Variants in ADAM22 observed in about 807,000 individuals in gnomAD.
The protein encoded by ADAM22 is disintegrin and metalloproteinase domain-containing protein 22.
Under a neutral mutation model 144.6 loss-of-function variants are expected in ADAM22, and 65 were observed. The observed-to-expected ratio is 0.45, with a 90% CI of 0.37 to 0.55. ADAM22 has a LOEUF of 0.55. Among genes scored for constraint, ADAM22 ranks in the 20% least tolerant of loss-of-function variants. The pLI, the probability that ADAM22 is intolerant of heterozygous loss-of-function variation, is 0.00. For synonymous variants in ADAM22, 391 were observed against 412.6 expected, an observed-to-expected ratio of 0.95 and a Z score of 0.63; for missense variants, 974 against 1,184.9, an observed-to-expected ratio of 0.82 and a Z score of 2.61.
intron 25 of ADAM22, among the ~76,000 whole-genome samples, chr7:88,168,995 T>G (rs1586436554): frequency 6.6e-6 from 1 of 152,266 alleles, no homozygotes; most frequent in South Asian, 2.1e-4. Context: ...TGGACTTGCC[T>G]TTGTTCCATA....
intron 3 of ADAM22, among the ~76,000 whole-genome samples, chr7:88,034,843 G>A (rs546577379): frequency 4.6e-5 from 7 of 152,216 alleles, no homozygotes; most frequent in African/African-American, 1.7e-4. Flanking sequence ...GCTCTCCCTT[G>A]CCTAAGTGCA....
intron 3 of ADAM22, among the ~76,000 whole-genome samples, chr7:88,024,158 G>A (rs1192031165): frequency 1.3e-5 from 2 of 152,132 alleles, no homozygotes; most frequent in Non-Finnish European, 2.9e-5. Context: ...AAACATGGAA[G>A]TACAGATGTC....
At chr7:87,983,354 T>C (rs1319960605) in intron 3 of ADAM22, among the ~76,000 whole-genome samples, 1 of 152,148 alleles carries the variant, frequency 6.6e-6, no homozygotes, top group African/African-American at 2.4e-5. Context: ...TAAAATTCAG[T>C]ATTTTTGTTT....
chr7:88,008,402 A>G (rs1236052309), intron 3 of ADAM22, among the ~76,000 whole-genome samples: 1 of 150,874 alleles, frequency 6.6e-6, no homozygotes, highest in Non-Finnish European at 1.5e-5. Context: ...ATTACTGGGT[A>G]TATACCCAAA....
Position 88,197,983 on chromosome 7 carries a change from G to A in ADAM22, c.*1492G>A, listed in dbSNP as rs1850856689. ...TCTTTAAAACCAAAGTTTGATAGCT[G>A]TTATAATGGCAGATCTGTCATTCCA... is the stretch of plus-strand genomic sequence containing the variant. On this transcript the variant is annotated 3_prime_UTR_variant, in exon 32 of 32. Coordinates refer to ENST00000413139, the MANE Select transcript of ADAM22 (RefSeq NM_001324418.2). The A allele has an allele frequency of 6.6e-6, 1 of 152,188 alleles. No individual in the cohort carries two copies. Among genetic ancestry groups the A allele is most frequent in the Admixed American group, 6.5e-5 (1 of 15,278 alleles). The allele number at this position is 152,188 out of a possible 1,614,324, so 9.4% of individuals were successfully genotyped here.
intron 12 of ADAM22, 141 bp downstream of exon 12, chr7:88,133,092 A>G (rs964247384): frequency 3.0e-5 from 21 of 694,842 alleles, no homozygotes; most frequent in African/African-American, 5.5e-5. Flanking sequence ...GCCTGGCACA[A>G]TGGCTTATTT....
intron 3 of ADAM22, among the ~76,000 whole-genome samples, chr7:88,023,975 A>G (rs1356973459): frequency 6.6e-6 from 1 of 152,174 alleles, no homozygotes; most frequent in Non-Finnish European, 1.5e-5. Flanking sequence ...TATTTCTCTT[A>G]ACATAATGAT....
chr7:87,993,018 C>T (rs981698870), intron 3 of ADAM22, among the ~76,000 whole-genome samples: 6 of 152,128 alleles, frequency 3.9e-5, no homozygotes, highest in African/African-American at 9.7e-5. Flanking sequence ...GTTCGCCTTT[C>T]CCCGTATCAT....
At chr7:88,119,946 G>T (rs1012894977) in intron 7 of ADAM22, among the ~76,000 whole-genome samples, 20 of 152,140 alleles carry the variant, frequency 1.3e-4, no homozygotes, top group Admixed American at 2.6e-4. Context: ...TAAAATTGCT[G>T]GGCCATAGGG....
At chr7:88,057,087 G>C (rs1181095457) in intron 3 of ADAM22, among the ~76,000 whole-genome samples, 1 of 151,980 alleles carries the variant, frequency 6.6e-6, no homozygotes, top group Non-Finnish European at 1.5e-5. Flanking sequence ...GGGTAGGGCA[G>C]GTAGGATTTG....
Position 88,002,268 on chromosome 7 carries a change from G to A in ADAM22, c.323+23856G>A, listed in dbSNP as rs570955105. 1.7e-4 allele frequency among the ~76,000 whole-genome samples: 26 copies of A among 152,240 alleles called. No homozygotes were observed. In the South Asian group the frequency reaches 2.5e-3, roughly 15 times the overall value. ...TACCTTCAAGCATCATTTCAGTAGG[G>A]AGGACTGCCCGCCTCTGTCCTAGTG... On this transcript the variant is annotated intron_variant, in intron 3 of 31. Coordinates refer to ENST00000413139, the MANE Select transcript of ADAM22 (RefSeq NM_001324418.2).
chr7:88,097,682 C>G (rs1490619774), intron 4 of ADAM22, among the ~76,000 whole-genome samples: 3 of 150,496 alleles, frequency 2.0e-5, no homozygotes, highest in Non-Finnish European at 3.0e-5. Flanking sequence ...AAGAAAATTC[C>G]TCCTGTATTT....
chr7:87,973,740 AT>A (rs1562891837), intron 2 of ADAM22, among the ~76,000 whole-genome samples: 3 of 152,342 alleles, frequency 2.0e-5, no homozygotes, highest in African/African-American at 7.2e-5. Context: ...CATATACACC[AT>A]GGAATACTAT....
chr7:88,088,103 T>C (rs1225791771), intron 4 of ADAM22, among the ~76,000 whole-genome samples: 3 of 152,156 alleles, frequency 2.0e-5, no homozygotes, highest in Admixed American at 1.3e-4. Context: ...GAGAGGTTAT[T>C]ATGACTCTAG....
chr7:88,171,512 T>G, intron 25 of ADAM22, 32 bp from the exon 26 acceptor site: 1 of 1,580,958 alleles, frequency 6.3e-7, no homozygotes, highest in Non-Finnish European at 8.6e-7. Flanking sequence ...ACTCTTATGT[T>G]TTTCCCTCTT....
At chr7:87,997,440 T>C (rs1174284804) in intron 3 of ADAM22, among the ~76,000 whole-genome samples, 8 of 152,266 alleles carry the variant, frequency 5.3e-5, no homozygotes, top group Non-Finnish European at 1.0e-4. Flanking sequence ...ACAGTGAAGC[T>C]CAGGTGGATT....
intron 4 of ADAM22, among the ~76,000 whole-genome samples, chr7:88,081,520 G>T (rs1816634591): frequency 6.6e-6 from 1 of 151,968 alleles, no homozygotes; most frequent in African/African-American, 2.4e-5. Context: ...GAAATAAAGG[G>T]CATTCAATTA....
At chr7:87,968,413 T>C (rs1849649413) in intron 2 of ADAM22, among the ~76,000 whole-genome samples, 1 of 152,082 alleles carries the variant, frequency 6.6e-6, no homozygotes, top group African/African-American at 2.4e-5. Flanking sequence ...TGGCTCATGC[T>C]TGTAATCCCA....
intron 2 of ADAM22, among the ~76,000 whole-genome samples, chr7:87,948,173 T>TC (rs1844179846): frequency 6.6e-6 from 1 of 152,034 alleles, no homozygotes; most frequent in Non-Finnish European, 1.5e-5. Flanking sequence ...ATTTTGTATT[T>TC]CCCCCCACTC....
Sources: gnomAD v4.1 joint callset for allele counts (sites outside exome capture counted in the v4.1 genomes callset) on GRCh38, gnomAD v4.1.1 for gene constraint, MANE v1.5 for transcripts, NCBI Gene and HGNC (gene_info 2026-07-23, HGNC 2026-07-21) for gene names.